The following GTF3C5 variants were observed in gnomAD, a reference collection of about 807,000 sequenced individuals.
The protein encoded by GTF3C5 is general transcription factor IIIC subunit 5, also known as general transcription factor 3C polypeptide 5.
Under a neutral mutation model 61.0 loss-of-function variants are expected in GTF3C5, and 47 were observed. The observed-to-expected ratio is 0.77, with a 90% CI of 0.61 to 0.98. The LOEUF (loss-of-function observed/expected upper bound fraction) is 0.98. Among genes scored for constraint, GTF3C5 ranks in the 50% least tolerant of loss-of-function variants. The pLI is 0.00. For missense variants in GTF3C5, 659 were observed against 703.3 expected, an observed-to-expected ratio of 0.94 and a Z score of 0.71; for synonymous variants, 295 against 275.4, an observed-to-expected ratio of 1.07 and a Z score of -0.71.
chr9:133,051,126 A>G, intron 4 of GTF3C5, 148 bp downstream of exon 4: 1 of 585,624 alleles, frequency 1.7e-6, no homozygotes, highest in Non-Finnish European at 2.9e-6. Flanking sequence ...TCACCTTCAG[A>G]TGCCATGTCT....
intron 5 of GTF3C5, among the ~76,000 whole-genome samples, chr9:133,053,533 C>T (rs1029450092): frequency 3.3e-5 from 5 of 152,138 alleles, no homozygotes; most frequent in Non-Finnish European, 5.9e-5. Flanking sequence ...TGCAGTGAAC[C>T]GTGATTTTGC....
chr9:133,034,848 G>A (rs918270941), intron 1 of GTF3C5, among the ~76,000 whole-genome samples: 2 of 152,186 alleles, frequency 1.3e-5, no homozygotes, highest in African/African-American at 2.4e-5. Context: ...TGTTTCAAAC[G>A]TAGCAATGTC....
At chr9:133,044,126 C>CA (rs1174075669) in intron 3 of GTF3C5, 200 bp downstream of exon 3, 1 of 219,214 alleles carries the variant, frequency 4.6e-6, no homozygotes, top group Non-Finnish European at 8.0e-6. Flanking sequence ...GCCCGGGTGA[C>CA]AGAGTGAGAC....
intron 1 of GTF3C5, among the ~76,000 whole-genome samples, chr9:133,040,720 G>A (rs946960357): frequency 1.3e-5 from 2 of 152,102 alleles, no homozygotes; most frequent in Non-Finnish European, 2.9e-5. Context: ...AGTTGTTAGA[G>A]TAGGTAACCC....
intron 4 of GTF3C5, among the ~76,000 whole-genome samples, chr9:133,051,796 A>T (rs1295853348): frequency 6.6e-6 from 1 of 152,088 alleles, no homozygotes; most frequent in Non-Finnish European, 1.5e-5. Flanking sequence ...CTCTATGAGG[A>T]CAGCGACCAT....
intron 1 of GTF3C5, among the ~76,000 whole-genome samples, chr9:133,033,690 G>A (rs986180519): frequency 4.6e-5 from 7 of 152,124 alleles, no homozygotes; most frequent in Non-Finnish European, 5.9e-5. Flanking sequence ...ATGCCCACTC[G>A]TCTGGAGGAC....
Position 133,053,838 on chromosome 9 carries a change from C to G in GTF3C5, c.884C>G (p.Pro295Arg). 2 of 1,606,498 alleles carry G rather than the reference C, an allele frequency of 1.2e-6. No individual in the cohort carries two copies. The highest frequency in any genetic ancestry group is 2.2e-5 in the South Asian group (2 of 90,650). ...PFIAYYMITG[P>R]WRSLWIRFGY... ...ACTTTTCTGTCCCAGATAACAGGCCCCTGGCGCAGCCTATGGATTCGATTT... is the reference window on the plus strand; with the variant it reads ...ACTTTTCTGTCCCAGATAACAGGCCGCTGGCGCAGCCTATGGATTCGATTT... Residue 295 changes from proline to arginine, a missense_variant, in exon 6 of 11, where the codon CCC becomes CGC. Physicochemically the swap from Pro to Arg is moderately radical, Grantham distance 103. Coordinates refer to ENST00000372097, the MANE Select transcript of GTF3C5 (RefSeq NM_012087.4).
In GTF3C5 at chr9:133,054,495, G is replaced by C. The variant is rs368226509; in HGVS notation, c.1069+7G>C. Reference sequence around the variant, plus strand: ...ATCACCGTCAAGAAGACATGTAAGCGTGCCAGGCGCCTTTTGTGGGTCATG... The same window carrying C: ...ATCACCGTCAAGAAGACATGTAAGCCTGCCAGGCGCCTTTTGTGGGTCATG... On this transcript the variant is annotated splice_region_variant and intron_variant, in intron 7 of 10. Coordinates refer to ENST00000372097, the MANE Select transcript of GTF3C5 (RefSeq NM_012087.4). 20 of 1,613,224 alleles carry C rather than the reference G, an allele frequency of 1.2e-5. No homozygotes were observed. The African/African-American group carries it at 2.1e-4, about 17-fold the overall frequency.
intron 1 of GTF3C5, among the ~76,000 whole-genome samples, chr9:133,034,564 CTG>C (rs1284611305): frequency 6.6e-6 from 1 of 152,160 alleles, no homozygotes; most frequent in Admixed American, 6.5e-5. Context: ...TTTTCCCTGT[CTG>C]TGGACATTAC....
At chr9:133,049,022 A>G (rs909171319) in intron 3 of GTF3C5, among the ~76,000 whole-genome samples, 1 of 152,216 alleles carries the variant, frequency 6.6e-6, no homozygotes, top group Non-Finnish European at 1.5e-5. Context: ...GTGGGCAAGC[A>G]GAGGCTGCTG....
intron 1 of GTF3C5, among the ~76,000 whole-genome samples, chr9:133,037,643 A>G (rs913517751): frequency 6.6e-6 from 1 of 152,146 alleles, no homozygotes; most frequent in Non-Finnish European, 1.5e-5. Context: ...CTGGGCTAAC[A>G]TGTAAACCTA....
intron 3 of GTF3C5, among the ~76,000 whole-genome samples, chr9:133,047,711 G>A (rs939705824): frequency 1.3e-5 from 2 of 152,102 alleles, no homozygotes; most frequent in African/African-American, 2.4e-5. Flanking sequence ...TAGTAAAGAC[G>A]GGGTTTCACC....
At chr9:133,034,387 ACG>A (rs1389928597) in intron 1 of GTF3C5, among the ~76,000 whole-genome samples, 1 of 152,170 alleles carries the variant, frequency 6.6e-6, no homozygotes, top group Non-Finnish European at 1.5e-5. Flanking sequence ...TCGTATCTGC[ACG>A]GGGTAAGAAC....
chr9:133,055,699 A>T (rs1181055718), intron 8 of GTF3C5: 2 of 985,308 alleles, frequency 2.0e-6, no homozygotes, highest in East Asian at 1.1e-4. Context: ...GGGCACAGAG[A>T]GCAGAGCCCG....
chr9:133,048,479 C>T (rs927248677), intron 3 of GTF3C5, among the ~76,000 whole-genome samples: 9 of 151,942 alleles, frequency 5.9e-5, no homozygotes, highest in Non-Finnish European at 8.8e-5. Context: ...CCTGGGCGAC[C>T]GAGTGACACC....
At chr9:133,031,887 G>C (rs1428983672) in intron 1 of GTF3C5, among the ~76,000 whole-genome samples, 1 of 152,162 alleles carries the variant, frequency 6.6e-6, no homozygotes, top group Admixed American at 6.5e-5. Flanking sequence ...GGTGACTCAG[G>C]ATGACTAAGG....
intron 6 of GTF3C5, 120 bp downstream of exon 6, chr9:133,054,062 C>T (rs779839171): frequency 1.7e-5 from 12 of 718,896 alleles, no homozygotes; most frequent in South Asian, 3.8e-5. Flanking sequence ...CTTTTGCCCC[C>T]GTTGCTGAGA....
rs753930725 is a variant in GTF3C5, at chr9:133,052,112, G to T, written c.821G>T (p.Ser274Ile). 2 of 1,609,462 alleles carry T rather than the reference G, an allele frequency of 1.2e-6. No homozygotes were observed. The highest frequency in any genetic ancestry group is 2.2e-5 in the South Asian group (2 of 90,384). Residue 274 changes from serine (S) to isoleucine (I), a missense_variant, in exon 5 of 11, where the codon AGC (serine) becomes ATC (isoleucine). Ser to Ile is a moderately radical substitution (Grantham distance 142). Transcript: ENST00000372097. ...CGAAATGCTGTCAAGGCCAACATCA[G>T]CGTCCACCCAGACAAGCTCAAGGTC... ...WSRNAVKANI[S>I]VHPDKLKVLL...
chr9:133,054,861 C>T (rs180690029), intron 8 of GTF3C5, 52 bp downstream of exon 8: 88 of 1,539,318 alleles, frequency 5.7e-5, no homozygotes, highest in Admixed American at 2.4e-4. Flanking sequence ...CTCTTGGGGC[C>T]GGGCACCTTG....
Sources: allele counts gnomAD v4.1 joint callset (sites outside exome capture counted in the v4.1 genomes callset), GRCh38; gene constraint gnomAD v4.1.1; transcripts MANE v1.5; gene names NCBI Gene and HGNC (gene_info 2026-07-23, HGNC 2026-07-21).